The following CMC1 variants were observed in gnomAD, a reference collection of about 807,000 sequenced individuals.
The protein encoded by CMC1 is C-X9-C motif containing 1.
In CMC1, 14 loss-of-function variants were observed where a neutral mutation model predicts 14.1. The ratio of observed to expected loss-of-function variants is 0.99; its 90% CI spans 0.66 to 1.55. CMC1 has a LOEUF of 1.55. Ranked by LOEUF, CMC1 falls within the 40% of genes most tolerant of loss-of-function variation. The probability of loss-of-function intolerance (pLI) is 0.00; values close to 1 mark genes in which losing one functional copy is unlikely to be tolerated. For missense variants in CMC1, 127 were observed against 123.8 expected (o/e 1.03, Z -0.12); for synonymous variants, 50 against 38.4 (o/e 1.30, Z -1.12).
At chr3:28,314,681 C>T (rs1205311438) in intron 2 of CMC1, among the ~76,000 whole-genome samples, 1 of 152,132 alleles carries the variant, frequency 6.6e-6, no homozygotes, top group Non-Finnish European at 1.5e-5. Flanking sequence ...CTTCCTATTC[C>T]ACCAATTTTC....
At chr3:28,271,998 GTTCA>G (rs1181814396) in intron 2 of CMC1, among the ~76,000 whole-genome samples, 2 of 152,090 alleles carry the variant, frequency 1.3e-5, no homozygotes, top group African/African-American at 4.8e-5. Flanking sequence ...ATGAATGGGA[GTTCA>G]TTCATGATTT....
intron 2 of CMC1, among the ~76,000 whole-genome samples, chr3:28,285,732 A>G (rs956936406): frequency 6.7e-6 from 1 of 148,660 alleles, no homozygotes; most frequent in African/African-American, 2.5e-5. Context: ...TCAGTTAGTT[A>G]TTATTATTCT....
At chr3:28,280,455 A>G (rs1357181320) in intron 2 of CMC1, among the ~76,000 whole-genome samples, 1 of 152,194 alleles carries the variant, frequency 6.6e-6, no homozygotes, top group Non-Finnish European at 1.5e-5. Context: ...TGCATGATGA[A>G]GTATTTCTGG....
At chr3:28,250,274 G>T (rs994751325) in intron 1 of CMC1, among the ~76,000 whole-genome samples, 1 of 152,148 alleles carries the variant, frequency 6.6e-6, no homozygotes, top group Non-Finnish European at 1.5e-5. Flanking sequence ...AAAATCTTGG[G>T]GTTAGAGGAA....
In CMC1 at chr3:28,323,983, TGGGA is replaced by T; in HGVS notation, c.*4357_*4360del. On this transcript the variant is annotated 3_prime_UTR_variant, in exon 4 of 4. Transcript: ENST00000466830. ...CCTTTCAGTTTGTTAAATAATTTCT[TGGGA>T]GGACCACTGAAAGAGATAAGTGTCC... is the stretch of plus-strand genomic sequence containing the variant. The T allele has an allele frequency of 6.7e-7, 1 of 1,494,588 alleles. No individual in the cohort carries two copies. Among genetic ancestry groups the T allele is most frequent in the Non-Finnish European group, 9.0e-7 (1 of 1,108,200 alleles). The allele number at this position is 1,494,588 out of a possible 1,614,324, so 92.6% of individuals were successfully genotyped here.
chr3:28,266,841 T>G (rs1170485991), intron 2 of CMC1, among the ~76,000 whole-genome samples: 1 of 152,180 alleles, frequency 6.6e-6, no homozygotes, highest in Non-Finnish European at 1.5e-5. Context: ...AGTGATATTG[T>G]TGGTGGTGAA....
At chr3:28,301,197 A>G (rs1007395962) in intron 2 of CMC1, among the ~76,000 whole-genome samples, 4 of 152,078 alleles carry the variant, frequency 2.6e-5, no homozygotes, top group Non-Finnish European at 4.4e-5. Context: ...TATTCTTTTC[A>G]TGATTCCTTA....
At chr3:28,301,343 C>T (rs1702037072) in intron 2 of CMC1, among the ~76,000 whole-genome samples, 1 of 152,070 alleles carries the variant, frequency 6.6e-6, no homozygotes, top group South Asian at 2.1e-4. Context: ...CCTCAGCCTC[C>T]CAAGTAAACA....
chr3:28,309,926 T>C (rs1180564692), intron 2 of CMC1, among the ~76,000 whole-genome samples: 1 of 123,014 alleles, frequency 8.1e-6, no homozygotes, highest in African/African-American at 3.3e-5. Context: ...CCTTTTCTCC[T>C]CCACCTGACG....
Position 28,323,343 on chromosome 3 carries a change from T to C in CMC1, c.*3714T>C, listed in dbSNP as rs1410529395. 1 of 149,962 alleles carries C rather than the reference T, an allele frequency of 6.7e-6. No individual in the cohort carries two copies. Among genetic ancestry groups the C allele is most frequent in the African/African-American group, 2.4e-5 (1 of 41,084 alleles). 9.3% of individuals were successfully genotyped at this position (149,962 alleles called of 1,614,324 possible). On this transcript the variant is annotated 3_prime_UTR_variant, in exon 4 of 4. Coordinates refer to ENST00000466830, the MANE Select transcript of CMC1 (RefSeq NM_182523.2). ...TCATTTGTTTACACCCCAGAGTTTT[T>C]CAACTATTTCATTTTTTTTTTTTTT... is the stretch of plus-strand genomic sequence containing the variant.
In CMC1 at chr3:28,324,606, A is replaced by G; in HGVS notation, c.*4977A>G. The G allele has an allele frequency of 1.7e-6, 1 of 586,240 alleles. No individual in the cohort carries two copies. The highest frequency in any genetic ancestry group is 2.6e-6 in the Non-Finnish European group (1 of 384,582). The allele number at this position is 586,240 out of a possible 1,614,324, so 36.3% of individuals were successfully genotyped here. ...TTGAGGCACTGTGACTAGGAGATAA[A>G]TGACAGATGATCTGAGTTTTAATCC... On this transcript the variant is annotated 3_prime_UTR_variant, in exon 4 of 4. Transcript: ENST00000466830.
chr3:28,275,520 G>A (rs1416514773), intron 2 of CMC1, among the ~76,000 whole-genome samples: 4 of 151,782 alleles, frequency 2.6e-5, no homozygotes, highest in Non-Finnish European at 5.9e-5. Flanking sequence ...GAGGGGCACC[G>A]ACCTGATGCC....
At chr3:28,265,559 A>C (rs1699964575) in intron 2 of CMC1, among the ~76,000 whole-genome samples, 1 of 152,094 alleles carries the variant, frequency 6.6e-6, no homozygotes, top group African/African-American at 2.4e-5. Context: ...TTAATAAGTG[A>C]TCTGACTTTC....
intron 3 of CMC1, chr3:28,318,506 A>G (rs1394396462): frequency 1.3e-5 from 2 of 151,920 alleles, no homozygotes; most frequent in Middle Eastern, 3.2e-3. Flanking sequence ...AATCTGAGGA[A>G]GTTTAGTTTG....
Position 28,324,495 on chromosome 3 carries a change from T to C in CMC1, c.*4866T>C, listed in dbSNP as rs576017309. 7.1e-6 allele frequency: 10 copies of C among 1,403,008 alleles called. No homozygotes were observed. In the East Asian group the frequency reaches 1.9e-4, roughly 26 times the overall value. 86.9% of individuals were successfully genotyped at this position (1,403,008 alleles called of 1,614,324 possible). ...AGACTAAATGTCAGTTTTCATTACA[T>C]TTGTGATCATAAAATTCGATAACAC... On this transcript the variant is annotated 3_prime_UTR_variant, in exon 4 of 4. Coordinates refer to ENST00000466830, the MANE Select transcript of CMC1 (RefSeq NM_182523.2).
intron 2 of CMC1, among the ~76,000 whole-genome samples, chr3:28,288,170 G>A (rs997647011): frequency 6.6e-6 from 1 of 151,854 alleles, no homozygotes; most frequent in Non-Finnish European, 1.5e-5. Context: ...AATACTGGTA[G>A]TTTCCTGTGT....
chr3:28,260,307 C>T (rs1699668356), intron 1 of CMC1, among the ~76,000 whole-genome samples: 1 of 151,780 alleles, frequency 6.6e-6, no homozygotes, highest in African/African-American at 2.4e-5. Context: ...TTGTAAATAC[C>T]GTTCTTGCTT....
intron 1 of CMC1, among the ~76,000 whole-genome samples, chr3:28,256,174 T>TAC (rs1259674470): frequency 6.6e-6 from 1 of 151,612 alleles, no homozygotes; most frequent in African/African-American, 2.4e-5. Flanking sequence ...TATATATATA[T>TAC]ACACACATAT....
chr3:28,285,852 T>C (rs981185970), intron 2 of CMC1, among the ~76,000 whole-genome samples: 2 of 151,610 alleles, frequency 1.3e-5, no homozygotes, highest in African/African-American at 2.4e-5. Flanking sequence ...CTGCAAGCTC[T>C]GCCTCCTGGG....
Sources: allele counts gnomAD v4.1 joint callset (sites outside exome capture counted in the v4.1 genomes callset), GRCh38; gene constraint gnomAD v4.1.1; transcripts MANE v1.5; gene names NCBI Gene and HGNC (gene_info 2026-07-23, HGNC 2026-07-21).